Variants in PTPRG observed in about 807,000 individuals in gnomAD.
PTPRG encodes the protein receptor-type tyrosine-protein phosphatase gamma.
In PTPRG, 102 loss-of-function variants were observed where a neutral mutation model predicts 165.3. That is an observed-to-expected ratio of 0.62 (90% CI 0.53 to 0.73). The LOEUF is 0.73. Ranked by LOEUF, PTPRG falls within the 30% of genes least tolerant of loss-of-function variation. The pLI is 0.00. For synonymous variants in PTPRG, 675 were observed against 669.5 expected (o/e 1.01, Z -0.13); for missense variants, 1,866 against 1,861.4 (o/e 1.00, Z -0.05).
At chr3:62,044,648 G>A (rs921828017) in intron 4 of PTPRG, among the ~76,000 whole-genome samples, 2 of 152,090 alleles carry the variant, frequency 1.3e-5, no homozygotes, top group Non-Finnish European at 2.9e-5. Context: ...AACTACTCCT[G>A]AAATCTTAGC....
In PTPRG at chr3:62,058,225, A is replaced by G. The variant is rs75431344; in HGVS notation, c.520-19938A>G. On this transcript the variant is annotated intron_variant, in intron 4 of 29. Transcript: ENST00000474889. ...CTATCTTTATTGTCTGATGTCTAAT[A>G]CAACCTCATTCCTAACCTCACCTTA... Among the ~76,000 whole-genome samples the G allele has an allele frequency of 1.6e-4, 25 of 152,346 alleles. 1 individual carries two copies. The East Asian group carries it at 4.2e-3, about 26-fold the overall frequency.
At chr3:61,814,204 A>G (rs1028564125) in intron 2 of PTPRG, among the ~76,000 whole-genome samples, 3 of 152,152 alleles carry the variant, frequency 2.0e-5, no homozygotes, top group African/African-American at 7.2e-5. Flanking sequence ...CCCAGCTGAG[A>G]TACTATTTTT....
chr3:61,999,789 A>G (rs147767455), intron 3 of PTPRG, among the ~76,000 whole-genome samples: 116 of 152,298 alleles, frequency 7.6e-4, no homozygotes, highest in African/African-American at 2.4e-3. Flanking sequence ...AAATAAATCA[A>G]TCTTGCTCAT....
At chr3:61,955,153 C>T (rs192782446) in intron 2 of PTPRG, among the ~76,000 whole-genome samples, 8 of 152,284 alleles carry the variant, frequency 5.3e-5, no homozygotes, top group East Asian at 3.9e-4. Flanking sequence ...GATCTGTATA[C>T]GATATGTCAT....
chr3:61,589,102 AAAT>A (rs1700505539), intron 1 of PTPRG, among the ~76,000 whole-genome samples: 1 of 152,200 alleles, frequency 6.6e-6, no homozygotes, highest in Non-Finnish European at 1.5e-5. Context: ...AAATAATTAA[AAAT>A]AATATTATTT....
intron 1 of PTPRG, among the ~76,000 whole-genome samples, chr3:61,631,629 C>T (rs114711669): frequency 0.016 from 2,425 of 152,164 alleles, 44 homozygotes; most frequent in African/African-American, 0.054. Flanking sequence ...ATATTATTTT[C>T]CAAAAATTGC....
intron 2 of PTPRG, among the ~76,000 whole-genome samples, chr3:61,919,528 T>C (rs1305607999): frequency 6.6e-6 from 1 of 152,174 alleles, no homozygotes; most frequent in Non-Finnish European, 1.5e-5. Flanking sequence ...TGAGCATGAA[T>C]TGGAGGAGGG....
At chr3:61,922,516 T>C (rs1227525269) in intron 2 of PTPRG, among the ~76,000 whole-genome samples, 2 of 152,200 alleles carry the variant, frequency 1.3e-5, no homozygotes, top group Non-Finnish European at 2.9e-5. Flanking sequence ...GCGTTTGTTA[T>C]TGCTGCAGGA....
chr3:61,820,751 AACAGCT>A (rs2107254091), intron 2 of PTPRG, among the ~76,000 whole-genome samples: 1 of 151,962 alleles, frequency 6.6e-6, no homozygotes, highest in Non-Finnish European at 1.5e-5. Context: ...TTGTTTGAGT[AACAGCT>A]AGCTATAGCA....
chr3:61,760,008 G>T (rs904957720), intron 2 of PTPRG, among the ~76,000 whole-genome samples: 2 of 151,994 alleles, frequency 1.3e-5, no homozygotes, highest in Non-Finnish European at 2.9e-5. Context: ...CCGTTTTGAT[G>T]TGTTACATTT....
chr3:62,157,135 C>T lies in PTPRG; in HGVS notation c.751C>T (p.Arg251Trp). The change falls in exon 7 of 30, where the codon CGG (arginine) becomes TGG (tryptophan). Residue 251 changes from arginine (R) to tryptophan (W), a missense_variant. Transcript: ENST00000474889. ...GCCTGCATCCCTGGGCAGCTATTAT[C>T]GGTACACAGGTTCCTTGACCACACC... ...LLPASLGSYY[R>W]YTGSLTTPPC... The T allele has an allele frequency of 1.9e-6, 3 of 1,613,050 alleles. No homozygotes were observed. Among genetic ancestry groups the T allele is most frequent in the Non-Finnish European group, 1.7e-6 (2 of 1,179,028 alleles).
intron 2 of PTPRG, among the ~76,000 whole-genome samples, chr3:61,960,193 C>T (rs1294718404): frequency 6.6e-6 from 1 of 151,896 alleles, no homozygotes; most frequent in Non-Finnish European, 1.5e-5. Context: ...GGAATGCAAA[C>T]CCCTGAAGGC....
chr3:62,166,432 G>C (rs1704988194), intron 7 of PTPRG, among the ~76,000 whole-genome samples: 2 of 151,058 alleles, frequency 1.3e-5, no homozygotes, highest in African/African-American at 4.9e-5. Flanking sequence ...CGCCTCCCAG[G>C]TTCAAGCAAT....
intron 1 of PTPRG, among the ~76,000 whole-genome samples, chr3:61,573,326 A>G (rs989564592): frequency 2.0e-5 from 3 of 152,228 alleles, no homozygotes; most frequent in African/African-American, 7.2e-5. Context: ...TGGAGATGCC[A>G]TATTAGTGGG....
chr3:62,145,244 C>T (rs1010644184), intron 6 of PTPRG, among the ~76,000 whole-genome samples: 3 of 152,148 alleles, frequency 2.0e-5, no homozygotes, highest in East Asian at 1.9e-4. Flanking sequence ...TCAACTGCAT[C>T]GTGAGGTAAT....
intron 2 of PTPRG, among the ~76,000 whole-genome samples, chr3:61,951,080 C>T (rs975087102): frequency 4.6e-5 from 7 of 152,194 alleles, no homozygotes; most frequent in African/African-American, 1.7e-4. Flanking sequence ...AAATTGCCCC[C>T]TAGCTCTTAA....
At chr3:62,126,514 G>T (rs996672817) in intron 5 of PTPRG, among the ~76,000 whole-genome samples, 1 of 152,150 alleles carries the variant, frequency 6.6e-6, no homozygotes, top group Non-Finnish European at 1.5e-5. Flanking sequence ...GGAATTAGGA[G>T]TTTTCTCATT....
chr3:62,000,101 G>A (rs932299237), intron 3 of PTPRG, among the ~76,000 whole-genome samples: 10 of 151,916 alleles, frequency 6.6e-5, no homozygotes, highest in African/African-American at 2.4e-4. Flanking sequence ...TCAGGAGTTC[G>A]AGACCAGCCT....
At chr3:62,232,465 C>A (rs1700923409) in intron 14 of PTPRG, among the ~76,000 whole-genome samples, 1 of 152,178 alleles carries the variant, frequency 6.6e-6, no homozygotes, top group South Asian at 2.1e-4. Flanking sequence ...AAAGACTAAT[C>A]TTAAGAGAGG....
Sources: allele counts gnomAD v4.1 joint callset (sites outside exome capture counted in the v4.1 genomes callset), GRCh38; gene constraint gnomAD v4.1.1; transcripts MANE v1.5; gene names NCBI Gene and HGNC (gene_info 2026-07-23, HGNC 2026-07-21).